NADK2: variants seen among roughly 807,000 people sequenced by gnomAD.
NADK2 encodes NAD kinase 2, mitochondrial, also known as NAD kinase domain-containing protein 1, mitochondrial.
In NADK2, 35 loss-of-function variants were observed where a neutral mutation model predicts 62.1. That is an observed-to-expected ratio of 0.56 (90% CI 0.43 to 0.75). The LOEUF is 0.75. NADK2 is among the 30% of genes least tolerant of loss of function. The pLI is 0.00. For missense variants in NADK2, 439 were observed against 561.3 expected, an observed-to-expected ratio of 0.78 and a Z score of 2.20; for synonymous variants, 205 against 207.9, an observed-to-expected ratio of 0.99 and a Z score of 0.12.
rs1234759967 is a variant in NADK2, at chr5:36,241,810, C to T, written c.-12G>A. 2.3e-6 allele frequency: 3 copies of T among 1,309,618 alleles called. No individual in the cohort carries two copies. The highest frequency in any genetic ancestry group is 3.7e-5 in the Admixed American group (1 of 26,674). The allele number at this position is 1,309,618 out of a possible 1,614,324, so 81.1% of individuals were successfully genotyped here. A position where few individuals can be genotyped will look rare whatever the true frequency, so the allele number is the denominator to read the frequency against. ...CGGTAGCAAGTCATCGTGGGCCGGG[C>T]CGCGGCCGCGGGCTTGGGCTCGGGC... On this transcript the variant is annotated 5_prime_UTR_variant, in exon 1 of 12. Coordinates refer to ENST00000381937, the MANE Select transcript of NADK2 (RefSeq NM_001085411.3). This position sits in a 1 kb window ranked among gnomAD's most constrained non-coding sequence, Gnocchi z 4.9.
chr5:36,207,526 G>A (rs1746686884), intron 7 of NADK2, among the ~76,000 whole-genome samples: 1 of 151,374 alleles, frequency 6.6e-6, no homozygotes, highest in South Asian at 2.1e-4. Context: ...TTTCAAATAG[G>A]AGCTTCTTGC....
intron 2 of NADK2, 81 bp from the exon 3 acceptor site, chr5:36,226,644 AT>A: frequency 1.1e-6 from 1 of 894,672 alleles, no homozygotes; most frequent in Non-Finnish European, 1.8e-6. Context: ...GAGGCAGATG[AT>A]TACAATAGAG....
At chr5:36,203,503 T>G in intron 8 of NADK2, among the ~76,000 whole-genome samples, 1 of 152,058 alleles carries the variant, frequency 6.6e-6, no homozygotes, top group East Asian at 1.9e-4. Context: ...GAGAAGAGAC[T>G]GAGCAACGAA....
At chr5:36,233,056 C>A (rs1747762880) in intron 1 of NADK2, among the ~76,000 whole-genome samples, 1 of 152,174 alleles carries the variant, frequency 6.6e-6, no homozygotes, top group African/African-American at 2.4e-5. Flanking sequence ...TTCTTCCTCA[C>A]ACTCAATGTC....
intron 1 of NADK2, among the ~76,000 whole-genome samples, chr5:36,234,769 T>C (rs1747841575): frequency 6.6e-6 from 1 of 152,182 alleles, no homozygotes; most frequent in Non-Finnish European, 1.5e-5. Flanking sequence ...TTCTGAAACA[T>C]TTCTATATGT....
Position 36,239,537 on chromosome 5 carries a change from A to C in NADK2, c.300+1962T>G, listed in dbSNP as rs1294022861. On this transcript the variant is annotated intron_variant, in intron 1 of 11. Coordinates refer to ENST00000381937, the MANE Select transcript of NADK2 (RefSeq NM_001085411.3). ...AAACAGCATTACCTAGCAATAGACA[A>C]ATATTTACCTATTAGAGATTTCTCC... Among the ~76,000 whole-genome samples the C allele has an allele frequency of 3.9e-5, 6 of 152,300 alleles. No homozygotes were observed. The South Asian group carries it at 1.2e-3, about 32-fold the overall frequency.
chr5:36,229,770 G>C, intron 1 of NADK2, among the ~76,000 whole-genome samples: 1 of 150,238 alleles, frequency 6.7e-6, no homozygotes, highest in Non-Finnish European at 1.5e-5. Context: ...CTCAAATTTA[G>C]AGGGCTAGAT....
chr5:36,201,387 C>G (rs1046372338), intron 8 of NADK2, among the ~76,000 whole-genome samples: 2 of 151,842 alleles, frequency 1.3e-5, no homozygotes, highest in South Asian at 4.1e-4. Context: ...CAATTATGCA[C>G]TATCAAAATT....
intron 6 of NADK2, 150 bp downstream of exon 6, chr5:36,217,598 T>C: frequency 3.7e-6 from 3 of 819,728 alleles, no homozygotes; most frequent in Non-Finnish European, 5.8e-6. Flanking sequence ...CAGATTCTAA[T>C]AAACTTTACA....
At chr5:36,206,583 T>C (rs945588370) in intron 8 of NADK2, among the ~76,000 whole-genome samples, 2 of 152,024 alleles carry the variant, frequency 1.3e-5, no homozygotes, top group African/African-American at 4.8e-5. Context: ...TTCATCAATA[T>C]AAAGAACACA....
chr5:36,200,312 TTATAAA>T lies in NADK2; in HGVS notation c.1013-38_1013-33del, dbSNP rs772734851. On this transcript the variant is annotated intron_variant, in intron 9 of 11. Coordinates refer to ENST00000381937, the MANE Select transcript of NADK2 (RefSeq NM_001085411.3). ...AAAAAGGAAAGGGGGAAAATGTATG[TTATAAA>T]TATATATATCTTATATATATATTTT... 590 of 1,468,994 alleles carry T rather than the reference TTATAAA, an allele frequency of 4.0e-4. 1 individual carries two copies. Among genetic ancestry groups the T allele is most frequent in the Non-Finnish European group, 5.0e-4 (535 of 1,078,316 alleles). 91.0% of individuals were successfully genotyped at this position (1,468,994 alleles called of 1,614,324 possible).
intron 1 of NADK2, among the ~76,000 whole-genome samples, chr5:36,237,184 G>A (rs1471496576): frequency 6.6e-6 from 1 of 152,168 alleles, no homozygotes; most frequent in Non-Finnish European, 1.5e-5. Context: ...TTGTCTTAGA[G>A]CTTGATTTAC....
At chr5:36,239,515 C>T (rs984819885) in intron 1 of NADK2, among the ~76,000 whole-genome samples, 1 of 152,210 alleles carries the variant, frequency 6.6e-6, no homozygotes, top group Non-Finnish European at 1.5e-5. Context: ...TTATCCCAAA[C>T]AGCATTACCT....
chr5:36,211,376 T>C (rs1467949966), intron 7 of NADK2, among the ~76,000 whole-genome samples: 1 of 151,924 alleles, frequency 6.6e-6, no homozygotes, highest in African/African-American at 2.4e-5. Context: ...GCAACAATGG[T>C]GAAACCCCAT....
intron 7 of NADK2, among the ~76,000 whole-genome samples, chr5:36,209,441 A>G (rs887339318): frequency 2.0e-5 from 3 of 152,146 alleles, no homozygotes; most frequent in African/African-American, 4.8e-5. Flanking sequence ...AACAGAATAA[A>G]ATAAGCCATT....
At chr5:36,224,412 C>T (rs1277783082) in intron 4 of NADK2, among the ~76,000 whole-genome samples, 1 of 151,868 alleles carries the variant, frequency 6.6e-6, no homozygotes, top group Non-Finnish European at 1.5e-5. Flanking sequence ...CAAAAATTAG[C>T]CAGGTGTGGT....
At position 36,217,814 on chromosome 5, in the gene NADK2, G is replaced by C; in HGVS notation, c.715C>G (p.His239Asp). 1 of 1,613,996 alleles carries C rather than the reference G, an allele frequency of 6.2e-7. No individual in the cohort carries two copies. Among genetic ancestry groups the C allele is most frequent in the Non-Finnish European group, 8.5e-7 (1 of 1,179,930 alleles). The stretch of plus-strand genomic sequence containing the variant: ...TGATTCAAGCTTAGCTGCTGCTCGT[G>C]AAGGTCCACAGGTACAGGGTTTATG... ...TGINPVPVDL[H>D]EQQLSLNQHN... The change falls in exon 6 of 12, where the codon CAC becomes GAC. Residue 239 changes from histidine to aspartate, a missense_variant. Transcript: ENST00000381937.
At position 36,211,912 on chromosome 5, in the gene NADK2, A is replaced by G. The variant is rs765983391; in HGVS notation, c.792T>C (p.Ala264=). The G allele has an allele frequency of 6.2e-7, 1 of 1,612,952 alleles. No homozygotes were observed. Among genetic ancestry groups the G allele is most frequent in the Non-Finnish European group, 8.5e-7 (1 of 1,179,134 alleles). Residue 264 remains alanine (A), a synonymous_variant, in exon 7 of 12, where the codon GCT becomes GCC. Coordinates refer to ENST00000381937, the MANE Select transcript of NADK2 (RefSeq NM_001085411.3). ...TCACTGGCAGAAGTTGGGGTCCTGA[A>G]GCCTCAGACCCTGCATGTAATTTAA... The part of the protein sequence containing the change: ...IERAHDERSE[A]SGPQLLPVRA...
At chr5:36,209,597 G>A (rs956698159) in intron 7 of NADK2, among the ~76,000 whole-genome samples, 7 of 151,986 alleles carry the variant, frequency 4.6e-5, no homozygotes. Flanking sequence ...TGTATCAGTA[G>A]AGTTAAATTT....
Sources: allele counts gnomAD v4.1 joint callset (sites outside exome capture counted in the v4.1 genomes callset), GRCh38; gene constraint gnomAD v4.1.1; non-coding constraint Gnocchi (gnomAD v3.1); transcripts MANE v1.5; gene names NCBI Gene and HGNC (gene_info 2026-07-23, HGNC 2026-07-21).